SEMA3D: variants seen among roughly 807,000 people sequenced by gnomAD.
SEMA3D encodes semaphorin 3D.
In SEMA3D, 84 loss-of-function variants were observed where a neutral mutation model predicts 100.1. The ratio of observed to expected loss-of-function variants is 0.84; its 90% CI spans 0.70 to 1.01. The LOEUF (loss-of-function observed/expected upper bound fraction) is 1.01. Among genes scored for constraint, SEMA3D ranks in the 50% least tolerant of loss-of-function variants. The pLI is 0.00. For synonymous variants in SEMA3D, 312 were observed against 320.7 expected (o/e 0.97, Z 0.29); for missense variants, 875 against 934.1 (o/e 0.94, Z 0.82).
Position 85,023,321 on chromosome 7 carries a change from T to C in SEMA3D, c.1192-708A>G, listed in dbSNP as rs139025556. The stretch of plus-strand genomic sequence containing the variant: ...AATGGTTCAAATCAAATGAATTTTA[T>C]GTGCCTTTATCCAAAAATAAAGGGG... On this transcript the variant is annotated intron_variant, in intron 12 of 18. Coordinates refer to ENST00000284136, the MANE Select transcript of SEMA3D (RefSeq NM_001384900.1). 6.2e-3 allele frequency among the ~76,000 whole-genome samples: 946 copies of C among 152,008 alleles called. 13 individuals carry two copies. The highest frequency in any genetic ancestry group is 0.022 in the African/African-American group (918 of 41,528).
At chr7:85,029,164 G>A (rs971747791) in intron 12 of SEMA3D, 18 of 646,258 alleles carry the variant, frequency 2.8e-5, no homozygotes, top group Middle Eastern at 9.7e-4. Flanking sequence ...AACCTACTTC[G>A]CAAGTTTGAG....
chr7:85,028,918 A>G, intron 12 of SEMA3D: 1 of 260,034 alleles, frequency 3.8e-6, no homozygotes. Context: ...GAGAGCATCA[A>G]CCCTCATGAA....
chr7:85,124,614 G>A (rs1789515860), intron 2 of SEMA3D, among the ~76,000 whole-genome samples: 1 of 152,060 alleles, frequency 6.6e-6, no homozygotes, highest in Non-Finnish European at 1.5e-5. Flanking sequence ...AACAAGACAA[G>A]TATACTTTCA....
intron 1 of SEMA3D, among the ~76,000 whole-genome samples, chr7:85,180,267 T>C (rs1009616480): frequency 6.6e-6 from 1 of 152,172 alleles, no homozygotes; most frequent in Non-Finnish European, 1.5e-5. Flanking sequence ...GTTTTTTCCC[T>C]CTTTCCCCTG....
intron 6 of SEMA3D, among the ~76,000 whole-genome samples, chr7:85,071,418 T>C (rs1239046345): frequency 6.6e-6 from 1 of 152,184 alleles, no homozygotes; most frequent in Non-Finnish European, 1.5e-5. Context: ...TCTGTGTGAA[T>C]CAGCTAAGTC....
At chr7:85,050,454 G>A (rs1441329743) in intron 9 of SEMA3D, 1 of 257,110 alleles carries the variant, frequency 3.9e-6, no homozygotes, top group Admixed American at 5.5e-5. Flanking sequence ...TGGAAAGTAG[G>A]AACACTACTA....
At chr7:85,046,409 G>T (rs1791009578) in intron 9 of SEMA3D, among the ~76,000 whole-genome samples, 1 of 151,736 alleles carries the variant, frequency 6.6e-6, no homozygotes, top group Non-Finnish European at 1.5e-5. Context: ...CCAAAAAATA[G>T]AAATTTTTTG....
chr7:85,229,766 A>G, the SEMA3D span, among the ~76,000 whole-genome samples: 3 of 152,098 alleles, frequency 2.0e-5, no homozygotes, highest in Non-Finnish European at 2.9e-5. Flanking sequence ...GTCTGATCCA[A>G]TTTATTTCTA....
chr7:85,016,660 C>G (rs13234489), intron 15 of SEMA3D, among the ~76,000 whole-genome samples: 35,966 of 151,684 alleles, frequency 0.24, 5,014 homozygotes, highest in Non-Finnish European at 0.33. Context: ...CCCATCTCTA[C>G]CCCAGTACCC....
Position 85,025,245 on chromosome 7 carries a change from G to A in SEMA3D, c.1192-2632C>T, listed in dbSNP as rs148675896. Among the ~76,000 whole-genome samples, 633 of 152,008 alleles carry A rather than the reference G, an allele frequency of 4.2e-3. 5 individuals are homozygous for A. The highest frequency in any genetic ancestry group is 0.015 in the African/African-American group (602 of 41,510). Reference sequence around the variant, plus strand: ...AGGAAACTTATCTGTGTCTCTACCCGCTGTTGTAAAATACTCAAAGACAGT... The same window carrying A: ...AGGAAACTTATCTGTGTCTCTACCCACTGTTGTAAAATACTCAAAGACAGT... On this transcript the variant is annotated intron_variant, in intron 12 of 18. Coordinates refer to ENST00000284136, the MANE Select transcript of SEMA3D (RefSeq NM_001384900.1).
intron 14 of SEMA3D, among the ~76,000 whole-genome samples, chr7:85,019,778 A>C (rs1253799951): frequency 1.3e-5 from 2 of 151,650 alleles, no homozygotes; most frequent in Non-Finnish European, 3.0e-5. Flanking sequence ...GGAGTTTAGC[A>C]TACATGAAGA....
At chr7:85,016,277 T>C (rs916426100) in intron 15 of SEMA3D, among the ~76,000 whole-genome samples, 2 of 150,520 alleles carry the variant, frequency 1.3e-5, no homozygotes, top group Admixed American at 1.3e-4. Context: ...GCATTAAATG[T>C]TGGGTTTCCG....
At chr7:85,133,913 T>C (rs540271126) in intron 2 of SEMA3D, among the ~76,000 whole-genome samples, 115 of 152,082 alleles carry the variant, frequency 7.6e-4, no homozygotes, top group Non-Finnish European at 1.2e-3. Context: ...TGATAGCAAG[T>C]ATTTTCTAAA....
chr7:85,154,561 T>A (rs1790527125), intron 1 of SEMA3D, among the ~76,000 whole-genome samples: 2 of 152,136 alleles, frequency 1.3e-5, no homozygotes. Context: ...GAAATGAACA[T>A]GTATGAAATG....
chr7:85,206,504 A>C, the SEMA3D span, among the ~76,000 whole-genome samples: 1 of 152,148 alleles, frequency 6.6e-6, no homozygotes, highest in East Asian at 1.9e-4. Context: ...TTTCGAAAAC[A>C]CTCCAGGGCT....
chr7:85,199,454 G>C, the SEMA3D span, among the ~76,000 whole-genome samples: 2 of 152,150 alleles, frequency 1.3e-5, no homozygotes, highest in East Asian at 3.9e-4. Flanking sequence ...TAGTTGTTTA[G>C]CTATTCATAA....
At chr7:85,200,312 C>T in the SEMA3D span, among the ~76,000 whole-genome samples, 3 of 152,070 alleles carry the variant, frequency 2.0e-5, no homozygotes, top group East Asian at 1.9e-4. Context: ...AATGGCTTTG[C>T]CCAAAACGTT....
At chr7:85,065,317 A>G (rs1791584097) in intron 8 of SEMA3D, 107 bp downstream of exon 8, 1 of 989,646 alleles carries the variant, frequency 1.0e-6, no homozygotes, top group African/African-American at 1.6e-5. Context: ...TATAATGTTG[A>G]GCTAAATTAA....
chr7:85,176,953 G>A (rs1791251511), intron 1 of SEMA3D, among the ~76,000 whole-genome samples: 1 of 151,992 alleles, frequency 6.6e-6, no homozygotes, highest in South Asian at 2.1e-4. Context: ...GTTATGTTCA[G>A]AAACACAAAT....
Sources: allele counts gnomAD v4.1 joint callset (sites outside exome capture counted in the v4.1 genomes callset), GRCh38; gene constraint gnomAD v4.1.1; transcripts MANE v1.5; gene names NCBI Gene and HGNC (gene_info 2026-07-23, HGNC 2026-07-21).